Variants in GFOD1 observed in about 807,000 individuals in gnomAD.
GFOD1 encodes the protein glucose-fructose oxidoreductase domain-containing protein 1.
A neutral mutation model predicts 25.4 loss-of-function variants in GFOD1; 9 were observed. The observed-to-expected ratio is 0.35, with a 90% CI of 0.21 to 0.62. The LOEUF is 0.62. Ranked by LOEUF, GFOD1 falls within the 20% of genes least tolerant of loss-of-function variation. The probability of loss-of-function intolerance (pLI) is 0.72; values close to 1 mark genes in which losing one functional copy is unlikely to be tolerated. For synonymous variants in GFOD1, 253 were observed against 245.6 expected (o/e 1.03, Z -0.28); for missense variants, 403 against 556.9 (o/e 0.72, Z 2.78).
Position 13,409,183 on chromosome 6 carries a change from G to GAAAGAAAGGAAAGAGAGAGAGAGAAAGAA in GFOD1, c.254-43522_254-43521insTTCTTTCTCTCTCTCTCTTTCCTTTCTTT, listed in dbSNP as rs1265712099. ...GAAAGAAAGGAAAGAGAGAGAGAGA[G>GAAAGAAAGGAAAGAGAGAGAGAGAAAGAA]AGAAAGAAAGAAAGAAAGAGAAAGA... On this transcript the variant is annotated intron_variant, in intron 1 of 1. Coordinates refer to ENST00000379287, the MANE Select transcript of GFOD1 (RefSeq NM_018988.4). 7.9e-4 allele frequency among the ~76,000 whole-genome samples: 41 copies of GAAAGAAAGGAAAGAGAGAGAGAGAAAGAA among 52,010 alleles called. 1 individual carries two copies. The highest frequency in any genetic ancestry group is 1.5e-3 in the African/African-American group (35 of 23,012). 34.1% of individuals were successfully genotyped at this position (52,010 alleles called of 152,430 possible).
intron 1 of GFOD1, among the ~76,000 whole-genome samples, chr6:13,415,946 T>C (rs1220768000): frequency 6.6e-6 from 1 of 152,122 alleles, no homozygotes; most frequent in Non-Finnish European, 1.5e-5. Flanking sequence ...TAGGGTCTAG[T>C]TGGGGAGTGA....
chr6:13,365,190 G>C lies in GFOD1; in HGVS notation c.726C>G (p.Pro242=). The C allele has an allele frequency of 6.2e-7, 1 of 1,613,968 alleles. No homozygotes were observed. The highest frequency in any genetic ancestry group is 2.2e-5 in the East Asian group (1 of 44,874). The change falls in exon 2 of 2, where the codon CCC becomes CCG. Residue 242 remains proline, a synonymous_variant. Coordinates refer to ENST00000379287, the MANE Select transcript of GFOD1 (RefSeq NM_018988.4). The surrounding 1 kb of genome is among the most constrained non-coding windows in gnomAD (Gnocchi z 9.2). The part of the protein sequence containing the change: ...CCTVTLNFNV[P]GEFKQDVTVV... ...CAGTGACATCCTGCTTGAACTCGCC[G>C]GGCACGTTGAAGTTGAGGGTGACGG...
Position 13,400,222 on chromosome 6 carries a change from G to C in GFOD1, c.254-34560C>G, listed in dbSNP as rs546899817. 9.8e-5 allele frequency among the ~76,000 whole-genome samples: 15 copies of C among 152,290 alleles called. No individual in the cohort carries two copies. The South Asian group carries it at 2.9e-3, about 29-fold the overall frequency. ...CCAGCACACAATGGCAGTCACATTGGGGGTGGGATAAATGTTAAAATATCT... is the reference window on the plus strand; with the variant it reads ...CCAGCACACAATGGCAGTCACATTGCGGGTGGGATAAATGTTAAAATATCT... On this transcript the variant is annotated intron_variant, in intron 1 of 1. Coordinates refer to ENST00000379287, the MANE Select transcript of GFOD1 (RefSeq NM_018988.4).
At chr6:13,467,257 A>G (rs952077788) in intron 1 of GFOD1, among the ~76,000 whole-genome samples, 18 of 152,212 alleles carry the variant, frequency 1.2e-4, no homozygotes, top group Non-Finnish European at 2.5e-4. Context: ...TAGAATAAAC[A>G]TAAAAGGTGG....
At chr6:13,428,412 G>A (rs1257044229) in intron 1 of GFOD1, among the ~76,000 whole-genome samples, 1 of 152,220 alleles carries the variant, frequency 6.6e-6, no homozygotes, top group Non-Finnish European at 1.5e-5. Flanking sequence ...GCCGAGGCGG[G>A]AGGAGGGGGT....
At chr6:13,411,374 C>G (rs1562210637) in intron 1 of GFOD1, among the ~76,000 whole-genome samples, 1 of 152,294 alleles carries the variant, frequency 6.6e-6, no homozygotes, top group Admixed American at 6.5e-5. Flanking sequence ...TCACAGCAAC[C>G]TTTACCTCCT....
At chr6:13,445,633 A>G (rs1394150843) in intron 1 of GFOD1, among the ~76,000 whole-genome samples, 2 of 152,272 alleles carry the variant, frequency 1.3e-5, no homozygotes, top group Non-Finnish European at 1.5e-5. Context: ...TGGGTCTGGC[A>G]TCTCTGTTCT....
intron 1 of GFOD1, among the ~76,000 whole-genome samples, chr6:13,431,015 G>A (rs981149159): frequency 1.3e-5 from 2 of 152,248 alleles, no homozygotes; most frequent in Admixed American, 6.5e-5. Context: ...AAGCAGTGAA[G>A]GCATTTGTCT....
intron 1 of GFOD1, among the ~76,000 whole-genome samples, chr6:13,473,231 A>G (rs539736560): frequency 2.0e-5 from 3 of 152,286 alleles, no homozygotes; most frequent in Non-Finnish European, 4.4e-5. Context: ...TCTCAACTGT[A>G]TAACAAGAGA....
At chr6:13,461,238 T>C (rs1758285194) in intron 1 of GFOD1, among the ~76,000 whole-genome samples, 2 of 152,202 alleles carry the variant, frequency 1.3e-5, no homozygotes, top group Admixed American at 1.3e-4. Flanking sequence ...ATCTTGTGCA[T>C]GGTGGGTCCT....
intron 1 of GFOD1, chr6:13,486,423 T>C (rs2127580828): frequency 1.6e-6 from 1 of 606,152 alleles, no homozygotes; most frequent in Non-Finnish European, 2.9e-6. Flanking sequence ...CGCGTCCAAG[T>C]GGTGCCAGGA....
chr6:13,406,969 T>G (rs1014436050), intron 1 of GFOD1, among the ~76,000 whole-genome samples: 1 of 152,214 alleles, frequency 6.6e-6, no homozygotes, highest in African/African-American at 2.4e-5. Context: ...AAACTCCATT[T>G]CCCAGTCTCC....
At chr6:13,426,347 C>T (rs1336237002) in intron 1 of GFOD1, among the ~76,000 whole-genome samples, 2 of 152,210 alleles carry the variant, frequency 1.3e-5, no homozygotes, top group Non-Finnish European at 2.9e-5. Flanking sequence ...GTCAATGGGG[C>T]TTGGTGTCCC....
At chr6:13,436,189 T>C (rs1757830684) in intron 1 of GFOD1, among the ~76,000 whole-genome samples, 1 of 152,224 alleles carries the variant, frequency 6.6e-6, no homozygotes, top group Admixed American at 6.5e-5. Context: ...TTACCTGAGC[T>C]AAAAGTATAC....
chr6:13,395,817 T>G (rs1584626459), intron 1 of GFOD1, among the ~76,000 whole-genome samples: 1 of 152,166 alleles, frequency 6.6e-6, no homozygotes, highest in South Asian at 2.1e-4. Flanking sequence ...TTCCCAGCCA[T>G]GAGCACAGAA....
chr6:13,412,344 C>T (rs1355097437), intron 1 of GFOD1, among the ~76,000 whole-genome samples: 4 of 152,158 alleles, frequency 2.6e-5, no homozygotes, highest in Non-Finnish European at 5.9e-5. Flanking sequence ...TGTGAGGACA[C>T]AGAGAAGACA....
chr6:13,437,418 T>C (rs777069240), intron 1 of GFOD1, among the ~76,000 whole-genome samples: 3 of 152,188 alleles, frequency 2.0e-5, no homozygotes, highest in Admixed American at 6.5e-5. Context: ...AAGGCTAGAA[T>C]TGCTCTTTAT....
chr6:13,477,748 G>A (rs1369961961), intron 1 of GFOD1, among the ~76,000 whole-genome samples: 1 of 152,084 alleles, frequency 6.6e-6, no homozygotes, highest in African/African-American at 2.4e-5. Context: ...TGCCAAATGT[G>A]TATTTCACAA....
intron 1 of GFOD1, among the ~76,000 whole-genome samples, chr6:13,398,030 A>G (rs1208542388): frequency 4.6e-5 from 7 of 152,204 alleles, no homozygotes. Flanking sequence ...GTATAGGGGA[A>G]AGTGCAAACC....
Sources: gnomAD v4.1 joint callset for allele counts (sites outside exome capture counted in the v4.1 genomes callset) on GRCh38, gnomAD v4.1.1 for gene constraint, Gnocchi (gnomAD v3.1) non-coding constraint, MANE v1.5 for transcripts, NCBI Gene and HGNC (gene_info 2026-07-23, HGNC 2026-07-21) for gene names.